The following CDH4 variants were observed in gnomAD, a reference collection of about 807,000 sequenced individuals.
The protein encoded by CDH4 is cadherin-4.
CDH4 carries 33 observed loss-of-function variants against 86.0 expected under a neutral mutation model. The ratio of observed to expected loss-of-function variants is 0.38; its 90% CI spans 0.29 to 0.51. The LOEUF (loss-of-function observed/expected upper bound fraction) is 0.51. Ranked by LOEUF, CDH4 falls within the 20% of genes least tolerant of loss-of-function variation. CDH4 has a pLI of 0.86. For synonymous variants in CDH4, 555 were observed against 549.4 expected (o/e 1.01, Z -0.14); for missense variants, 1,114 against 1,307.4 (o/e 0.85, Z 2.28).
chr20:61,737,924 G>A (rs1214718993), intron 2 of CDH4, among the ~76,000 whole-genome samples: 1 of 152,242 alleles, frequency 6.6e-6, no homozygotes, highest in Non-Finnish European at 1.5e-5. Flanking sequence ...ACCAGGGTAG[G>A]TGTGCGCAGG....
intron 2 of CDH4, among the ~76,000 whole-genome samples, chr20:61,261,807 G>A (rs1019285129): frequency 1.3e-5 from 2 of 152,234 alleles, no homozygotes; most frequent in Non-Finnish European, 2.9e-5. Context: ...GTGTCAGAAA[G>A]TGCTTGGTTG....
intron 3 of CDH4, among the ~76,000 whole-genome samples, chr20:61,770,970 C>T (rs2088768258): frequency 6.7e-6 from 1 of 149,078 alleles, no homozygotes; most frequent in Non-Finnish European, 1.5e-5. Context: ...CCAGTGTGTG[C>T]ATTTTCATGT....
At chr20:61,499,081 G>A (rs754582380) in intron 2 of CDH4, among the ~76,000 whole-genome samples, 2 of 152,272 alleles carry the variant, frequency 1.3e-5, no homozygotes, top group East Asian at 1.9e-4. Context: ...CCATGCTTAC[G>A]GTGGTCCTCA....
chr20:61,527,015 C>A (rs1216967502), intron 2 of CDH4, among the ~76,000 whole-genome samples: 3 of 152,246 alleles, frequency 2.0e-5, no homozygotes, highest in Non-Finnish European at 2.9e-5. Context: ...GCACCGGGAC[C>A]TTCCCGACGG....
intron 2 of CDH4, among the ~76,000 whole-genome samples, chr20:61,568,849 A>G (rs2086320634): frequency 6.6e-6 from 1 of 152,190 alleles, no homozygotes; most frequent in Admixed American, 6.5e-5. Context: ...ACGCACCTGC[A>G]TTGCATGAGT....
chr20:61,705,176 T>G lies in CDH4; in HGVS notation c.170-38387T>G, dbSNP rs115784294. Among the ~76,000 whole-genome samples the G allele has an allele frequency of 9.7e-3, 1,484 of 152,298 alleles. 24 individuals carry two copies. Among genetic ancestry groups the G allele is most frequent in the African/African-American group, 0.034 (1,403 of 41,556 alleles). ...TGCAAACCCCACTCACTCACAAACT[T>G]CAGGGAATATTTGTTCTCACCTTGG... is the stretch of plus-strand genomic sequence containing the variant. On this transcript the variant is annotated intron_variant, in intron 2 of 15. Transcript: ENST00000614565.
chr20:61,919,547 G>A (rs558768714), intron 9 of CDH4, among the ~76,000 whole-genome samples: 7 of 152,380 alleles, frequency 4.6e-5, no homozygotes, highest in Non-Finnish European at 7.3e-5. Context: ...GGGTGGGAAC[G>A]TGGGGACATC....
chr20:61,757,761 G>T (rs142400490), intron 3 of CDH4, among the ~76,000 whole-genome samples: 2 of 152,208 alleles, frequency 1.3e-5, no homozygotes, highest in Non-Finnish European at 2.9e-5. Flanking sequence ...GGGCCATGCC[G>T]GCAGGGAGGC....
intron 2 of CDH4, among the ~76,000 whole-genome samples, chr20:61,468,259 G>A (rs2085484223): frequency 6.6e-6 from 1 of 152,114 alleles, no homozygotes; most frequent in Admixed American, 6.5e-5. Flanking sequence ...AGGTGCCCAG[G>A]GAAAGAAATA....
chr20:61,862,009 A>T (rs1678116956), intron 6 of CDH4, among the ~76,000 whole-genome samples: 1 of 152,200 alleles, frequency 6.6e-6, no homozygotes, highest in African/African-American at 2.4e-5. Context: ...GGCCACTGTG[A>T]ACGGGAAGCG....
At chr20:61,626,802 G>T (rs1383474331) in intron 2 of CDH4, among the ~76,000 whole-genome samples, 3 of 152,216 alleles carry the variant, frequency 2.0e-5, no homozygotes, top group Non-Finnish European at 4.4e-5. Context: ...GTAACTCAGA[G>T]CCTCCTGAAT....
intron 2 of CDH4, among the ~76,000 whole-genome samples, chr20:61,447,260 A>C (rs918903699): frequency 6.6e-6 from 1 of 151,442 alleles, no homozygotes; most frequent in African/African-American, 2.4e-5. Context: ...GGGTTCAAGC[A>C]ATTCTCCTGC....
chr20:61,445,792 C>A (rs753151771), intron 2 of CDH4, among the ~76,000 whole-genome samples: 4 of 152,234 alleles, frequency 2.6e-5, no homozygotes, highest in Non-Finnish European at 5.9e-5. Flanking sequence ...CAGGATGTGA[C>A]GTGCTGGCTG....
At chr20:61,899,572 C>A (rs1010108219) in intron 8 of CDH4, among the ~76,000 whole-genome samples, 1 of 152,028 alleles carries the variant, frequency 6.6e-6, no homozygotes, top group Non-Finnish European at 1.5e-5. Context: ...GAACTACAGG[C>A]GCCTGCCACC....
At chr20:61,855,594 A>G (rs1040579973) in intron 6 of CDH4, among the ~76,000 whole-genome samples, 4 of 152,196 alleles carry the variant, frequency 2.6e-5, no homozygotes, top group African/African-American at 9.7e-5. Context: ...TGGCCTTTCT[A>G]TCACAAATCA....
intron 2 of CDH4, among the ~76,000 whole-genome samples, chr20:61,406,899 ACCATCTGCTCTGCCTGGACCACCATCTG>A (rs2085087374): frequency 7.1e-6 from 1 of 140,504 alleles, no homozygotes; most frequent in African/African-American, 2.7e-5. Flanking sequence ...TGCCCGGACC[ACCATCTGCTCTGCCTGGACCACCATCTG>A]CCATCTGCTC....
chr20:61,644,621 G>A (rs898371003), intron 2 of CDH4, among the ~76,000 whole-genome samples: 8 of 152,160 alleles, frequency 5.3e-5, no homozygotes, highest in African/African-American at 1.7e-4. Context: ...CAGGAGGGGC[G>A]GTCTCCCCAG....
At chr20:61,305,370 C>G (rs2084410948) in intron 2 of CDH4, among the ~76,000 whole-genome samples, 1 of 152,132 alleles carries the variant, frequency 6.6e-6, no homozygotes, top group South Asian at 2.1e-4. Flanking sequence ...GTGCTGTGAA[C>G]CCCCTGGAAA....
At chr20:61,445,918 C>A (rs112179152) in intron 2 of CDH4, among the ~76,000 whole-genome samples, 2 of 152,218 alleles carry the variant, frequency 1.3e-5, no homozygotes, top group Non-Finnish European at 2.9e-5. Flanking sequence ...CAGTGCCTGG[C>A]GTCCTTTCCT....
Sources: allele counts gnomAD v4.1 joint callset (sites outside exome capture counted in the v4.1 genomes callset), GRCh38; gene constraint gnomAD v4.1.1; transcripts MANE v1.5; gene names NCBI Gene and HGNC (gene_info 2026-07-23, HGNC 2026-07-21).